POU2F2: variants seen among roughly 807,000 people sequenced by gnomAD.
The protein encoded by POU2F2 is POU class 2 homeobox 2.
A neutral mutation model predicts 63.5 loss-of-function variants in POU2F2; 14 were observed. The ratio of observed to expected loss-of-function variants is 0.22; its 90% CI spans 0.15 to 0.34. POU2F2 has a LOEUF of 0.34. Ranked by LOEUF, POU2F2 falls within the 10% of genes least tolerant of loss-of-function variation. The probability of loss-of-function intolerance (pLI) is 1.00; values close to 1 mark genes in which losing one functional copy is unlikely to be tolerated. For missense variants in POU2F2, 607 were observed against 815.2 expected (o/e 0.74, Z 3.11); for synonymous variants, 306 against 348.6 (o/e 0.88, Z 1.36).
Position 42,117,127 on chromosome 19 carries a change from AG to A in POU2F2, c.369+122del. ...GACAAGACCTCCTAGAGGACAGAAG[AG>A]GGCAAGAGGCAGGTGTGAGAGAGTG... is the stretch of plus-strand genomic sequence containing the variant. On this transcript the variant is annotated intron_variant, in intron 5 of 14. Transcript: ENST00000692977. This position sits in a 1 kb window ranked among gnomAD's most constrained non-coding sequence, Gnocchi z 4.4. The A allele has an allele frequency of 1.2e-6, 1 of 817,112 alleles. No homozygotes were observed. 50.6% of individuals were successfully genotyped at this position (817,112 alleles called of 1,614,324 possible).
chr19:42,124,413 G>C (rs981299975), intron 1 of POU2F2, among the ~76,000 whole-genome samples: 2 of 149,646 alleles, frequency 1.3e-5, no homozygotes, highest in African/African-American at 4.9e-5. Context: ...TCTTGCAATT[G>C]AGTATTATTC....
chr19:42,130,013 T>C (rs1462522623), intron 1 of POU2F2, among the ~76,000 whole-genome samples: 1 of 152,168 alleles, frequency 6.6e-6, no homozygotes, highest in Non-Finnish European at 1.5e-5. Flanking sequence ...CCAGACATGA[T>C]GCCACGGGCA....
intron 5 of POU2F2, among the ~76,000 whole-genome samples, chr19:42,113,390 T>A (rs570724146): frequency 1.3e-5 from 2 of 152,136 alleles, no homozygotes; most frequent in African/African-American, 4.8e-5. Flanking sequence ...CACTGAGCAA[T>A]GGACAGACAA....
Position 42,099,721 on chromosome 19 carries a change from T to A in POU2F2, c.470A>T (p.Gln157Leu). 2 of 1,594,818 alleles carry A rather than the reference T, an allele frequency of 1.3e-6. No homozygotes were observed. The highest frequency in any genetic ancestry group is 1.7e-6 in the Non-Finnish European group (2 of 1,169,836). The change falls in exon 6 of 15, where the codon CAG becomes CTG. Residue 157 changes from glutamine (Q) to leucine (L), a missense_variant. Physicochemically the swap from Gln to Leu is moderately radical, Grantham distance 113. This residue lies in a region of POU2F2 where 224 missense variants were observed against 264.3 expected (regional missense o/e 0.85). Transcript: ENST00000692977. ...QFLLPQAQQS[Q>L]PGLLPTPNLF... ...ATCTGGGGTGGGGGCCTTACCTGGCTGGCTCTGCTGGGCCTGCGGTAGCAG... is the reference window on the plus strand; with the variant it reads ...ATCTGGGGTGGGGGCCTTACCTGGCAGGCTCTGCTGGGCCTGCGGTAGCAG...
chr19:42,186,731 T>C (rs1184620334), intron 1 of POU2F2, among the ~76,000 whole-genome samples: 1 of 151,766 alleles, frequency 6.6e-6, no homozygotes, highest in Non-Finnish European at 1.5e-5. Flanking sequence ...AGGCAACAGG[T>C]TTAAAAAACC....
At position 42,097,348 on chromosome 19, in the gene POU2F2, C is replaced by A. The variant is rs912829219; in HGVS notation, c.568-1105G>T. On this transcript the variant is annotated intron_variant, in intron 7 of 14. Transcript: ENST00000692977. ...GAGTAGCTGGGATTATAGGCATACG[C>A]CACCACACCCGGCTAATTTTGTATT... Among the ~76,000 whole-genome samples, 27 of 152,200 alleles carry A rather than the reference C, an allele frequency of 1.8e-4. No individual in the cohort carries two copies. The East Asian group carries it at 3.5e-3, about 20-fold the overall frequency.
intron 5 of POU2F2, among the ~76,000 whole-genome samples, chr19:42,104,446 AG>A (rs899786157): frequency 2.8e-4 from 43 of 152,016 alleles, no homozygotes; most frequent in African/African-American, 1.0e-3. Flanking sequence ...CTGGCAAAAG[AG>A]TAGAAGGTAG....
At chr19:42,097,127 T>C (rs2076949034) in intron 7 of POU2F2, among the ~76,000 whole-genome samples, 1 of 152,098 alleles carries the variant, frequency 6.6e-6, no homozygotes, top group Non-Finnish European at 1.5e-5. Flanking sequence ...ACAGGGATGT[T>C]TGTCGCTCAG....
chr19:42,113,277 TC>T (rs2031388568), intron 5 of POU2F2, among the ~76,000 whole-genome samples: 2 of 152,170 alleles, frequency 1.3e-5, no homozygotes, highest in Admixed American at 1.3e-4. Context: ...CTGAAATACT[TC>T]CCTGGAGAGA....
chr19:42,160,498 G>A (rs2034532892), intron 1 of POU2F2: 1 of 152,170 alleles, frequency 6.6e-6, no homozygotes, highest in Non-Finnish European at 1.5e-5. Flanking sequence ...ACATCATCAG[G>A]AGCTGCAGTT....
chr19:42,094,004 G>A, intron 11 of POU2F2, 109 bp from the exon 12 acceptor site: 1 of 838,892 alleles, frequency 1.2e-6, no homozygotes, highest in South Asian at 1.7e-5. Flanking sequence ...AGGGGGCTTT[G>A]GCACAATGCT....
chr19:42,189,625 C>T (rs2035054082), intron 1 of POU2F2, among the ~76,000 whole-genome samples: 1 of 152,202 alleles, frequency 6.6e-6, no homozygotes, highest in South Asian at 2.1e-4. Context: ...CTAACTCATA[C>T]TTGTCCTTTC....
In POU2F2 at chr19:42,090,017, CT is replaced by C. The variant is rs1367950881; in HGVS notation, c.*1239del. ...TGGCACTGTCCCCACCACATGGACC[CT>C]GATGGGGATGCCATCTCGAGGAACC... On this transcript the variant is annotated 3_prime_UTR_variant, in exon 15 of 15. Coordinates refer to ENST00000692977, the MANE Select transcript of POU2F2 (RefSeq NM_001394376.1). The surrounding 1 kb of genome is among the most constrained non-coding windows in gnomAD (Gnocchi z 4.4). 6.6e-6 allele frequency: 1 copy of C among 152,500 alleles called. No homozygotes were observed. Among genetic ancestry groups the C allele is most frequent in the African/African-American group, 2.4e-5 (1 of 41,396 alleles). 9.4% of individuals were successfully genotyped at this position (152,500 alleles called of 1,614,324 possible).
At chr19:42,186,798 G>A (rs1021583126) in intron 1 of POU2F2, among the ~76,000 whole-genome samples, 1 of 152,142 alleles carries the variant, frequency 6.6e-6, no homozygotes. Flanking sequence ...CAGGGAGAGG[G>A]TGGTGCCAAG....
Position 42,155,009 on chromosome 19 carries a change from C to T in POU2F2, c.-9+5323G>A, listed in dbSNP as rs1450630996. On this transcript the variant is annotated intron_variant, in intron 2 of 6. Transcript: ENST00000524801. The surrounding 1 kb of genome is among the most constrained non-coding windows in gnomAD (Gnocchi z 4.2). Reference sequence around the variant, plus strand: ...CGCCACCTCACCCTCCACACACAGTCCACACACACCAGGGCCTTGGCCAAT... The same window carrying T: ...CGCCACCTCACCCTCCACACACAGTTCACACACACCAGGGCCTTGGCCAAT... Among the ~76,000 whole-genome samples, 1 of 152,168 alleles carries T rather than the reference C, an allele frequency of 6.6e-6. No homozygotes were observed. The highest frequency in any genetic ancestry group is 1.5e-5 in the Non-Finnish European group (1 of 68,014).
At chr19:42,125,414 C>A (rs371357043) in intron 1 of POU2F2, among the ~76,000 whole-genome samples, 2 of 151,314 alleles carry the variant, frequency 1.3e-5, no homozygotes, top group East Asian at 3.9e-4. Flanking sequence ...GGAGTGGGTG[C>A]CCAGGACGCT....
chr19:42,197,573 CCT>C (rs919406717), upstream of POU2F2, among the ~76,000 whole-genome samples: 146 of 152,280 alleles, frequency 9.6e-4, no homozygotes, highest in African/African-American at 3.2e-3. Context: ...ACTCCCCACC[CCT>C]GAGGAAGGAA....
chr19:42,157,789 A>T (rs2034484430), intron 2 of POU2F2, among the ~76,000 whole-genome samples: 1 of 152,192 alleles, frequency 6.6e-6, no homozygotes, highest in Non-Finnish European at 1.5e-5. Flanking sequence ...GAGGAGGTAG[A>T]GAAGTGAAGC....
At chr19:42,179,570 G>A (rs1173508140), upstream of POU2F2, among the ~76,000 whole-genome samples, 6 of 152,024 alleles carry the variant, frequency 3.9e-5, no homozygotes, top group South Asian at 4.1e-4. Flanking sequence ...ACGCAGGCAC[G>A]CGCTGCGCGG....
Sources: allele counts gnomAD v4.1 joint callset (sites outside exome capture counted in the v4.1 genomes callset), GRCh38; gene constraint gnomAD v4.1.1; regional missense constraint gnomAD v4.1.1; non-coding constraint Gnocchi (gnomAD v3.1); transcripts MANE v1.5; gene names NCBI Gene and HGNC (gene_info 2026-07-23, HGNC 2026-07-21).